Variants in MYCBP2 observed in about 807,000 individuals in gnomAD.
The protein encoded by MYCBP2 is MYC binding protein 2.
MYCBP2 carries 120 observed loss-of-function variants against 525.3 expected under a neutral mutation model. The observed-to-expected ratio is 0.23, with a 90% CI of 0.20 to 0.27. The LOEUF (loss-of-function observed/expected upper bound fraction) is 0.27. MYCBP2 is among the 10% of genes least tolerant of loss of function. The probability of loss-of-function intolerance (pLI) is 1.00; values close to 1 mark genes in which losing one functional copy is unlikely to be tolerated. For missense variants in MYCBP2, 4,149 were observed against 5,657.1 expected (o/e 0.73, Z 8.55); for synonymous variants, 1,894 against 1,955.8 (o/e 0.97, Z 0.83).
At chr13:77,267,750 C>T in intron 8 of MYCBP2, 91 bp downstream of exon 8, 2 of 982,042 alleles carry the variant, frequency 2.0e-6, no homozygotes, top group Non-Finnish European at 3.2e-6. Context: ...AAGCACTATC[C>T]CTTGCTAATC....
intron 1 of MYCBP2, among the ~76,000 whole-genome samples, chr13:77,315,894 CAAAAAAA>C (rs34819956): frequency 1.1e-5 from 1 of 94,272 alleles, no homozygotes; most frequent in African/African-American, 4.0e-5. Flanking sequence ...GGCTCTGTCT[CAAAAAAA>C]AAAAAAAAAA....
At chr13:77,046,569 T>A (rs1374765940) in intron 82 of MYCBP2, among the ~76,000 whole-genome samples, 1 of 152,192 alleles carries the variant, frequency 6.6e-6, no homozygotes, top group African/African-American at 2.4e-5. Flanking sequence ...CTGCACAGTA[T>A]AATACCCAAT....
At chr13:77,282,214 C>A (rs573557625) in intron 3 of MYCBP2, among the ~76,000 whole-genome samples, 9 of 152,120 alleles carry the variant, frequency 5.9e-5, no homozygotes, top group Admixed American at 1.3e-4. Flanking sequence ...AGTTGCAAAC[C>A]AGCCTAGCCA....
rs775712304 is a variant in MYCBP2, at chr13:77,233,492, G to A, written c.2630-229C>T. Among the ~76,000 whole-genome samples, 31 of 122,404 alleles carry A rather than the reference G, an allele frequency of 2.5e-4. No individual in the cohort carries two copies. The South Asian group carries it at 3.9e-3, about 15-fold the overall frequency. The allele number at this position is 122,404 out of a possible 152,430, so 80.3% of individuals were successfully genotyped here. A position where few individuals can be genotyped will look rare whatever the true frequency, so the allele number is the denominator to read the frequency against. ...ATATAATTTATAAAGTACAAAACCC[G>A]TCTTGTATACTCATAAAATTATTGT... is the stretch of plus-strand genomic sequence containing the variant. On this transcript the variant is annotated intron_variant, in intron 17 of 82. Coordinates refer to ENST00000544440, the MANE Select transcript of MYCBP2 (RefSeq NM_015057.5).
At chr13:77,164,577 G>T in intron 42 of MYCBP2, 36 bp from the exon 43 acceptor site, 1 of 1,236,884 alleles carries the variant, frequency 8.1e-7, no homozygotes, top group Non-Finnish European at 1.2e-6. Flanking sequence ...CTTTAAAAAT[G>T]TTTGAATGAT....
At chr13:77,056,937 G>C (rs1233355759) in intron 79 of MYCBP2, 49 bp downstream of exon 79, 2 of 1,405,022 alleles carry the variant, frequency 1.4e-6, no homozygotes, top group Non-Finnish European at 1.0e-6. Context: ...AAGGTGAAAA[G>C]AAAGAACAAA....
chr13:77,067,656 G>A lies in MYCBP2; in HGVS notation c.12380C>T (p.Thr4127Ile), dbSNP rs897900765. The change falls in exon 71 of 83, where the codon ACC becomes ATC. Residue 4127 changes from threonine (T) to isoleucine (I), a missense_variant. This residue lies in a region of MYCBP2 where 148 missense variants were observed against 179.4 expected (regional missense o/e 0.82). Coordinates refer to ENST00000544440, the MANE Select transcript of MYCBP2 (RefSeq NM_015057.5). ...AGTGGTACCAGCTGTTCCAGTGATG[G>A]TGGTTCCTTTGGCTTTTAGCTGTAC... ...LTVQLKAKGTTITGTAGTTVG... is the reference protein window; with the variant it reads ...LTVQLKAKGTIITGTAGTTVG... The A allele has an allele frequency of 2.5e-6, 4 of 1,614,046 alleles. No homozygotes were observed. The highest frequency in any genetic ancestry group is 3.4e-6 in the Non-Finnish European group (4 of 1,180,012).
intron 52 of MYCBP2, among the ~76,000 whole-genome samples, chr13:77,132,114 G>A (rs2052988222): frequency 6.6e-6 from 1 of 152,020 alleles, no homozygotes; most frequent in Non-Finnish European, 1.5e-5. Flanking sequence ...TTAACACTAA[G>A]CTAAAGAATG....
chr13:77,280,249 C>T (rs2076052379), intron 3 of MYCBP2, among the ~76,000 whole-genome samples: 1 of 152,094 alleles, frequency 6.6e-6, no homozygotes, highest in Non-Finnish European at 1.5e-5. Context: ...ATCTAAAATG[C>T]TAACAGACTT....
intron 26 of MYCBP2, among the ~76,000 whole-genome samples, chr13:77,198,395 T>C (rs1035880770): frequency 2.0e-5 from 3 of 152,236 alleles, no homozygotes; most frequent in African/African-American, 4.8e-5. Context: ...GGGAATGTCC[T>C]TGGAAACCAG....
At chr13:77,308,153 T>G (rs1388392596) in intron 1 of MYCBP2, among the ~76,000 whole-genome samples, 1 of 152,122 alleles carries the variant, frequency 6.6e-6, no homozygotes, top group African/African-American at 2.4e-5. Context: ...TCTAGAACCT[T>G]TCCAGCTACT....
intron 37 of MYCBP2, 130 bp from the exon 38 acceptor site, chr13:77,171,764 C>T (rs1401360640): frequency 1.2e-6 from 1 of 821,648 alleles, no homozygotes; most frequent in Admixed American, 2.8e-5. Context: ...AGTAAACATG[C>T]AACTATACAA....
At chr13:77,203,783 C>G (rs1433094537) in intron 26 of MYCBP2, among the ~76,000 whole-genome samples, 1 of 151,908 alleles carries the variant, frequency 6.6e-6, no homozygotes, top group African/African-American at 2.4e-5. Context: ...CTGAGAAAAA[C>G]AAGAAATGGG....
intron 28 of MYCBP2, 21 bp downstream of exon 28, chr13:77,191,658 A>G (rs1343767873): frequency 1.2e-6 from 2 of 1,607,760 alleles, no homozygotes; most frequent in African/African-American, 1.3e-5. Context: ...TTGCTTAAGT[A>G]ACACTTGGGC....
intron 39 of MYCBP2, among the ~76,000 whole-genome samples, chr13:77,169,139 T>G (rs9593213): frequency 0.039 from 5,865 of 152,272 alleles, 401 homozygotes; most frequent in African/African-American, 0.13. Flanking sequence ...CCGGGCGCGG[T>G]GGCTCACGCC....
In MYCBP2 at chr13:77,209,124, T is replaced by G. The variant is rs537441111; in HGVS notation, c.3416+2043A>C. Among the ~76,000 whole-genome samples the G allele has an allele frequency of 9.2e-5, 14 of 152,314 alleles. No individual in the cohort carries two copies. The South Asian group carries it at 2.9e-3, about 32-fold the overall frequency. ...CTCAGCTGTTTTACCAAAACATCTC[T>G]TAATCTCTGTTTTCCAACAATGGAG... On this transcript the variant is annotated intron_variant, in intron 23 of 82. Transcript: ENST00000544440.
intron 49 of MYCBP2, 127 bp downstream of exon 49, chr13:77,144,318 G>T: frequency 1.5e-6 from 1 of 653,062 alleles, no homozygotes; most frequent in South Asian, 1.9e-5. Context: ...AGAAAACAAG[G>T]CCTCAAATAA....
chr13:77,217,742 G>T, intron 21 of MYCBP2, 98 bp downstream of exon 21: 1 of 613,826 alleles, frequency 1.6e-6, no homozygotes, highest in Non-Finnish European at 2.7e-6. Context: ...TAATATAATT[G>T]TTATATTATA....
At chr13:77,303,135 C>T (rs2078988360) in intron 1 of MYCBP2, among the ~76,000 whole-genome samples, 1 of 152,194 alleles carries the variant, frequency 6.6e-6, no homozygotes, top group Admixed American at 6.5e-5. Flanking sequence ...GTGTTCGAGA[C>T]CAGCCTCACC....
Sources: allele counts gnomAD v4.1 joint callset (sites outside exome capture counted in the v4.1 genomes callset), GRCh38; gene constraint gnomAD v4.1.1; regional missense constraint gnomAD v4.1.1; transcripts MANE v1.5; gene names NCBI Gene and HGNC (gene_info 2026-07-23, HGNC 2026-07-21).